The following ZNF528 variants were observed in gnomAD, a reference collection of about 807,000 sequenced individuals.
ZNF528 encodes zinc finger protein 528.
Under a neutral mutation model 13.3 loss-of-function variants are expected in ZNF528, and 9 were observed. That is an observed-to-expected ratio of 0.67 (90% CI 0.41 to 1.18). ZNF528 has a LOEUF of 1.18. Among genes scored for constraint, ZNF528 ranks in the 50% most tolerant of loss-of-function variants. ZNF528 has a pLI of 0.01. For missense variants in ZNF528, 858 were observed against 745.4 expected, an observed-to-expected ratio of 1.15 and a Z score of -1.76; for synonymous variants, 264 against 254.3, an observed-to-expected ratio of 1.04 and a Z score of -0.36.
chr19:52,400,183 A>T (rs910886579), intron 2 of ZNF528, among the ~76,000 whole-genome samples: 12 of 150,954 alleles, frequency 7.9e-5, no homozygotes, highest in African/African-American at 2.9e-4. Context: ...ACTTCAAGGG[A>T]ATTATTTTGG....
chr19:52,405,856 CGAT>C lies in ZNF528; in HGVS notation c.16-48_16-46del, dbSNP rs1209071906. 2.5e-6 allele frequency: 4 copies of C among 1,595,288 alleles called. No homozygotes were observed. The African/African-American group carries it at 4.0e-5, about 16-fold the overall frequency. ...ACGACTGTCTTCCCATTCTTTGTGA[CGAT>C]GAGTACTGTGTGCATACCTTGTTGC... On this transcript the variant is annotated intron_variant, in intron 4 of 6. Transcript: ENST00000360465.
Position 52,415,270 on chromosome 19 carries a change from A to C in ZNF528, c.418A>C (p.Ser140Arg), listed in dbSNP as rs2058985162. The C allele has an allele frequency of 1.9e-6, 3 of 1,613,988 alleles. No homozygotes were observed. The highest frequency in any genetic ancestry group is 3.3e-5 in the Admixed American group (2 of 59,996). The change falls in exon 7 of 7, where the codon AGT becomes CGT. Residue 140 changes from serine to arginine, a missense_variant. Transcript: ENST00000360465. ...GTGTAAGCATTTTGAAAAACCCGTC[A>C]GTGACAATTCCTCAGTTTCACCGCT... ...SGCKHFEKPV[S>R]DNSSVSPLEK...
chr19:52,404,689 C>T (rs1281739679), intron 4 of ZNF528, among the ~76,000 whole-genome samples: 10 of 151,970 alleles, frequency 6.6e-5, no homozygotes, highest in Admixed American at 4.6e-4. Context: ...CTCCACCTCC[C>T]GGGTTCAAGA....
At position 52,416,991 on chromosome 19, in the gene ZNF528, CTG is replaced by C; in HGVS notation, c.*254_*255del. 2.2e-6 allele frequency: 1 copy of C among 459,154 alleles called. No individual in the cohort carries two copies. The highest frequency in any genetic ancestry group is 3.9e-6 in the Non-Finnish European group (1 of 257,508). The allele number at this position is 459,154 out of a possible 1,614,324, so 28.4% of individuals were successfully genotyped here. A position where few individuals can be genotyped will look rare whatever the true frequency, so the allele number is the denominator to read the frequency against. On this transcript the variant is annotated 3_prime_UTR_variant, in exon 7 of 7. Coordinates refer to ENST00000360465, the MANE Select transcript of ZNF528 (RefSeq NM_032423.3). ...GATAGGATTTACACAAGAAGTAACT[CTG>C]TCTCTGGTTCTCTGATACTAATCTA...
chr19:52,416,816 T>A lies in ZNF528; in HGVS notation c.*77T>A. The A allele has an allele frequency of 7.1e-7, 1 of 1,403,874 alleles. No homozygotes were observed. Among genetic ancestry groups the A allele is most frequent in the Non-Finnish European group, 9.6e-7 (1 of 1,043,822 alleles). The allele number at this position is 1,403,874 out of a possible 1,614,324, so 87.0% of individuals were successfully genotyped here. A position where few individuals can be genotyped will look rare whatever the true frequency, so the allele number is the denominator to read the frequency against. ...TCAACATCAGTGAGTCCATACTAAGTGGAAATCATATAAATGAAATGTATG... is the reference window on the plus strand; with the variant it reads ...TCAACATCAGTGAGTCCATACTAAGAGGAAATCATATAAATGAAATGTATG... On this transcript the variant is annotated 3_prime_UTR_variant, in exon 7 of 7. Coordinates refer to ENST00000360465, the MANE Select transcript of ZNF528 (RefSeq NM_032423.3).
intron 6 of ZNF528, chr19:52,414,808 A>C: frequency 1.7e-6 from 1 of 587,058 alleles, no homozygotes; most frequent in Non-Finnish European, 2.9e-6. Flanking sequence ...ATGTCTATAC[A>C]GCTCTTCTTG....
At position 52,417,990 on chromosome 19, in the gene ZNF528, C is replaced by A. The variant is rs367726464; in HGVS notation, c.*1251C>A. 2 of 151,892 alleles carry A rather than the reference C, an allele frequency of 1.3e-5. No individual in the cohort carries two copies. The highest frequency in any genetic ancestry group is 4.8e-5 in the African/African-American group (2 of 41,318). 9.4% of individuals were successfully genotyped at this position (151,892 alleles called of 1,614,324 possible). ...ATCAAAATGACCGGATCAGCATATT[C>A]TTTTTTTAGATGAGACAGAGTTTCG... On this transcript the variant is annotated 3_prime_UTR_variant, in exon 7 of 7. Coordinates refer to ENST00000360465, the MANE Select transcript of ZNF528 (RefSeq NM_032423.3).
rs2058851305 is a variant in ZNF528, at chr19:52,406,007, A to C, written c.116A>C (p.Glu39Ala). ...ACTTTATACAGGGACGTGATGTTGGAGAATTATAGGAACCTGGTCTCCCTG... is the reference window on the plus strand; with the variant it reads ...ACTTTATACAGGGACGTGATGTTGGCGAATTATAGGAACCTGGTCTCCCTG... ...QRTLYRDVML[E>A]NYRNLVSLGI... Residue 39 changes from glutamate to alanine, a missense_variant, in exon 5 of 7, where the codon GAG becomes GCG. Coordinates refer to ENST00000360465, the MANE Select transcript of ZNF528 (RefSeq NM_032423.3). The C allele has an allele frequency of 1.2e-6, 2 of 1,611,116 alleles. No individual in the cohort carries two copies. Among genetic ancestry groups the C allele is most frequent in the South Asian group, 2.2e-5 (2 of 91,074 alleles).
intron 4 of ZNF528, chr19:52,402,372 G>T: frequency 5.6e-6 from 2 of 360,002 alleles, no homozygotes; most frequent in South Asian, 6.7e-5. Flanking sequence ...ACTAGAATTA[G>T]AGAAGCTGCA....
chr19:52,407,434 C>G (rs1031299139), intron 6 of ZNF528, among the ~76,000 whole-genome samples: 2 of 152,180 alleles, frequency 1.3e-5, no homozygotes, highest in Middle Eastern at 3.4e-3. Context: ...GCCACAGCAA[C>G]CAGTAAGGTG....
chr19:52,407,078 G>A (rs895738431), intron 6 of ZNF528, among the ~76,000 whole-genome samples: 8 of 151,808 alleles, frequency 5.3e-5, no homozygotes, highest in African/African-American at 1.7e-4. Context: ...CTGAATAGCC[G>A]GGACTACAGG....
At position 52,416,798 on chromosome 19, in the gene ZNF528, CAGTG is replaced by C; in HGVS notation, c.*63_*66del. 1 of 1,484,180 alleles carries C rather than the reference CAGTG, an allele frequency of 6.7e-7. No individual in the cohort carries two copies. Among genetic ancestry groups the C allele is most frequent in the Non-Finnish European group, 9.1e-7 (1 of 1,099,086 alleles). 91.9% of individuals were successfully genotyped at this position (1,484,180 alleles called of 1,614,324 possible). A position where few individuals can be genotyped will look rare whatever the true frequency, so the allele number is the denominator to read the frequency against. On this transcript the variant is annotated 3_prime_UTR_variant, in exon 7 of 7. Transcript: ENST00000360465. ...CATGAGTTCTAGCATTAATCAACAT[CAGTG>C]AGTCCATACTAAGTGGAAATCATAT... is the stretch of plus-strand genomic sequence containing the variant.
In ZNF528 at chr19:52,416,052, G is replaced by A; in HGVS notation, c.1200G>A (p.Gln400=). ...FGRKCFLTSH[Q]RIHTRERPYG... ...GCAAGTGTTTCCTGACCTCTCATCA[G>A]AGAATTCATACTAGAGAGAGACCTT... The change falls in exon 7 of 7, where the codon CAG becomes CAA. Residue 400 remains glutamine (Q), a synonymous_variant. Coordinates refer to ENST00000360465, the MANE Select transcript of ZNF528 (RefSeq NM_032423.3). 11 of 1,613,994 alleles carry A rather than the reference G, an allele frequency of 6.8e-6. 2 individuals carry two copies. In the Middle Eastern group the frequency reaches 1.8e-3, roughly 266 times the overall value.
chr19:52,405,066 A>T (rs1303366504), intron 4 of ZNF528, among the ~76,000 whole-genome samples: 1 of 151,846 alleles, frequency 6.6e-6, no homozygotes, highest in Admixed American at 6.6e-5. Flanking sequence ...AAATACAAAA[A>T]ATTAGCTGGT....
intron 5 of ZNF528, among the ~76,000 whole-genome samples, 179 bp from the exon 6 acceptor site, chr19:52,406,336 A>T (rs781283480): frequency 6.6e-6 from 1 of 152,142 alleles, no homozygotes; most frequent in Non-Finnish European, 1.5e-5. Flanking sequence ...TAGTTCTTGG[A>T]AGGGGGCTCT....
intron 6 of ZNF528, chr19:52,408,104 G>A (rs2058881492): frequency 6.6e-6 from 1 of 151,856 alleles, no homozygotes; most frequent in African/African-American, 2.4e-5. Context: ...GTTATTACTG[G>A]CAGAAATTAA....
intron 2 of ZNF528, among the ~76,000 whole-genome samples, chr19:52,400,965 C>T (rs2058786802): frequency 1.3e-5 from 2 of 152,040 alleles, no homozygotes; most frequent in African/African-American, 4.8e-5. Flanking sequence ...TCATTACTTT[C>T]GTATCTTATC....
chr19:52,406,456 T>C (rs1167751139), intron 5 of ZNF528, 59 bp from the exon 6 acceptor site: 5 of 1,574,764 alleles, frequency 3.2e-6, no homozygotes, highest in Middle Eastern at 1.7e-4. Flanking sequence ...CCTCCCTAAA[T>C]ACAGGGCTTG....
intron 6 of ZNF528, chr19:52,413,013 G>A (rs2058950389): frequency 1.3e-5 from 2 of 152,170 alleles, no homozygotes; most frequent in South Asian, 4.1e-4. Context: ...GTTAAGGTTA[G>A]CATTTCTGTG....
Sources: gnomAD v4.1 joint callset for allele counts (sites outside exome capture counted in the v4.1 genomes callset) on GRCh38, gnomAD v4.1.1 for gene constraint, MANE v1.5 for transcripts, NCBI Gene and HGNC (gene_info 2026-07-23, HGNC 2026-07-21) for gene names.